The following CAP2 variants were observed in gnomAD, a reference collection of about 807,000 sequenced individuals.
CAP2 encodes the protein cyclase associated actin cytoskeleton regulatory protein 2.
CAP2 carries 24 observed loss-of-function variants against 57.7 expected under a neutral mutation model. The ratio of observed to expected loss-of-function variants is 0.42; its 90% CI spans 0.30 to 0.58. CAP2 has a LOEUF of 0.58. CAP2 is among the 20% of genes least tolerant of loss of function. The probability of loss-of-function intolerance (pLI) is 0.22; values close to 1 mark genes in which losing one functional copy is unlikely to be tolerated. For synonymous variants in CAP2, 194 were observed against 207.2 expected (o/e 0.94, Z 0.55); for missense variants, 501 against 590.3 (o/e 0.85, Z 1.57).
At chr6:17,483,160 A>C (rs2113625028) in intron 4 of CAP2, among the ~76,000 whole-genome samples, 1 of 152,186 alleles carries the variant, frequency 6.6e-6, no homozygotes, top group South Asian at 2.1e-4. Context: ...GTGGGGTTTC[A>C]TTTATTCGAT....
intron 4 of CAP2, among the ~76,000 whole-genome samples, chr6:17,468,175 C>A (rs1337981534): frequency 2.0e-5 from 3 of 152,026 alleles, no homozygotes; most frequent in Non-Finnish European, 2.9e-5. Context: ...ACAATGTGCC[C>A]TTCAGTTCCT....
At chr6:17,498,993 T>G (rs910431157) in intron 4 of CAP2, among the ~76,000 whole-genome samples, 1 of 151,636 alleles carries the variant, frequency 6.6e-6, no homozygotes, top group Non-Finnish European at 1.5e-5. Flanking sequence ...CCTCCCAAAG[T>G]GCTGTGATTA....
intron 1 of CAP2, among the ~76,000 whole-genome samples, chr6:17,398,346 A>C (rs1000288334): frequency 5.3e-5 from 8 of 152,122 alleles, no homozygotes; most frequent in African/African-American, 1.9e-4. Flanking sequence ...GTCTGATAAC[A>C]ATGAGCCTTG....
Position 17,412,699 on chromosome 6 carries a change from A to T in CAP2, c.-1-8856A>T, listed in dbSNP as rs1272583291. 2.0e-5 allele frequency among the ~76,000 whole-genome samples: 3 copies of T among 152,120 alleles called. No homozygotes were observed. The East Asian group carries it at 5.8e-4, about 29-fold the overall frequency. On this transcript the variant is annotated intron_variant, in intron 1 of 12. Transcript: ENST00000229922. Reference sequence around the variant, plus strand: ...TGAGGTAATTGTACATGTGGTTTAGATGGAAATGTCAGGGAGTAAGTATTT... The same window carrying T: ...TGAGGTAATTGTACATGTGGTTTAGTTGGAAATGTCAGGGAGTAAGTATTT...
intron 4 of CAP2, among the ~76,000 whole-genome samples, chr6:17,488,156 C>A (rs1761463112): frequency 6.6e-6 from 1 of 152,186 alleles, no homozygotes; most frequent in South Asian, 2.1e-4. Flanking sequence ...GATCCTCCCA[C>A]CTCGGCCTTC....
At chr6:17,470,959 T>A (rs927938481) in intron 4 of CAP2, among the ~76,000 whole-genome samples, 1 of 152,252 alleles carries the variant, frequency 6.6e-6, no homozygotes, top group Non-Finnish European at 1.5e-5. Flanking sequence ...TATCTATGTA[T>A]GTATGCGATA....
At chr6:17,442,008 C>G (rs893815438) in intron 3 of CAP2, among the ~76,000 whole-genome samples, 2 of 151,962 alleles carry the variant, frequency 1.3e-5, no homozygotes, top group African/African-American at 4.8e-5. Context: ...TTGCATAACT[C>G]GTTATTGCCT....
intron 1 of CAP2, among the ~76,000 whole-genome samples, chr6:17,397,734 T>A (rs1033091663): frequency 1.3e-4 from 20 of 151,460 alleles, no homozygotes; most frequent in Non-Finnish European, 4.4e-5. Flanking sequence ...CCCACGTTGT[T>A]GCATGTAGGT....
chr6:17,543,242 T>A, intron 11 of CAP2, 99 bp downstream of exon 11: 5 of 967,028 alleles, frequency 5.2e-6, no homozygotes, highest in Non-Finnish European at 8.3e-6. Flanking sequence ...TAAGCAGCCT[T>A]TCCAACCACG....
At chr6:17,396,181 G>A (rs912630832) in intron 1 of CAP2, among the ~76,000 whole-genome samples, 2 of 152,130 alleles carry the variant, frequency 1.3e-5, no homozygotes, top group African/African-American at 4.8e-5. Flanking sequence ...TGGAGGAATT[G>A]GAACCTTTGT....
intron 6 of CAP2, among the ~76,000 whole-genome samples, chr6:17,512,267 G>A (rs1251869019): frequency 6.6e-6 from 1 of 151,882 alleles, no homozygotes; most frequent in Non-Finnish European, 1.5e-5. Context: ...TGGCGCACAT[G>A]TAGCTGTAGT....
rs35831731 is a variant in CAP2 at position 17,547,840 on chromosome 6, C to CAA, written c.1210-3609_1210-3608dup. ...TGGGCAACAGAGTGAGACTCTGTCT[C>CAA]AAAAAAAAAAAAAAAAGTTCTAACC... On this transcript the variant is annotated intron_variant, in intron 11 of 12. Transcript: ENST00000229922. Among the ~76,000 whole-genome samples, 44 of 112,728 alleles carry CAA rather than the reference C, an allele frequency of 3.9e-4. 1 individual carries two copies. The highest frequency in any genetic ancestry group is 4.3e-3 in the Middle Eastern group (1 of 232). The allele number at this position is 112,728 out of a possible 152,430, so 74.0% of individuals were successfully genotyped here.
At chr6:17,417,213 C>CA (rs964439204) in intron 1 of CAP2, among the ~76,000 whole-genome samples, 2 of 148,266 alleles carry the variant, frequency 1.3e-5, no homozygotes, top group Admixed American at 1.3e-4. Flanking sequence ...AAAGAGAATA[C>CA]AAAAAAATTA....
rs1440745415 is a variant in CAP2 at position 17,551,474 on chromosome 6, G to C, written c.1220G>C (p.Arg407Thr). The C allele has an allele frequency of 2.4e-5, 38 of 1,604,200 alleles. No homozygotes were observed. Among genetic ancestry groups the C allele is most frequent in the Non-Finnish European group, 3.1e-5 (37 of 1,174,644 alleles). The part of the protein sequence containing the change: ...SQDIQIQVMG[R>T]VPTISINKTE... The stretch of plus-strand genomic sequence containing the variant: ...TTTTTCCTATTTCAGGTAATGGGGA[G>C]AGTGCCAACAATTTCCATTAATAAG... Residue 407 changes from arginine to threonine, a missense_variant, in exon 12 of 13, where the codon AGA becomes ACA. Coordinates refer to ENST00000229922, the MANE Select transcript of CAP2 (RefSeq NM_006366.3).
chr6:17,530,475 T>C (rs1310438519), intron 7 of CAP2, among the ~76,000 whole-genome samples: 1 of 152,100 alleles, frequency 6.6e-6, no homozygotes, highest in Non-Finnish European at 1.5e-5. Context: ...GGGTGGTTAT[T>C]GGGCCAGGAT....
At chr6:17,554,008 A>C (rs1490017409) in intron 12 of CAP2, among the ~76,000 whole-genome samples, 1 of 152,160 alleles carries the variant, frequency 6.6e-6, no homozygotes, top group African/African-American at 2.4e-5. Flanking sequence ...CGTTATTCAG[A>C]TTGTGGGTTC....
intron 3 of CAP2, among the ~76,000 whole-genome samples, chr6:17,453,904 T>TC (rs59999010): frequency 0.016 from 2,188 of 140,250 alleles, 80 homozygotes; most frequent in African/African-American, 0.056. Flanking sequence ...TTTTATTCTT[T>TC]TTTTTTTTTT....
At chr6:17,459,076 A>C (rs1183247814) in intron 3 of CAP2, among the ~76,000 whole-genome samples, 4 of 152,208 alleles carry the variant, frequency 2.6e-5, no homozygotes, top group Non-Finnish European at 5.9e-5. Flanking sequence ...AATATGAAGC[A>C]AGAAAAAAAC....
chr6:17,486,474 C>T (rs1331132234), intron 4 of CAP2, among the ~76,000 whole-genome samples: 6 of 152,172 alleles, frequency 3.9e-5, no homozygotes, highest in East Asian at 3.9e-4. Flanking sequence ...GGCATGGTGG[C>T]GTGCACCTGT....
Sources: gnomAD v4.1 joint callset for allele counts (sites outside exome capture counted in the v4.1 genomes callset) on GRCh38, gnomAD v4.1.1 for gene constraint, MANE v1.5 for transcripts, NCBI Gene and HGNC (gene_info 2026-07-23, HGNC 2026-07-21) for gene names.